The following LRRC4C variants were observed in gnomAD, a reference collection of about 807,000 sequenced individuals.
LRRC4C encodes leucine-rich repeat-containing protein 4C.
Under a neutral mutation model 33.6 loss-of-function variants are expected in LRRC4C, and 5 were observed. The ratio of observed to expected loss-of-function variants is 0.15; its 90% CI spans 0.08 to 0.31. The LOEUF (loss-of-function observed/expected upper bound fraction) is 0.31. Among genes scored for constraint, LRRC4C ranks in the 10% least tolerant of loss-of-function variants. The pLI, the probability that LRRC4C is intolerant of heterozygous loss-of-function variation, is 1.00. For synonymous variants in LRRC4C, 329 were observed against 302.0 expected, an observed-to-expected ratio of 1.09 and a Z score of -0.93; for missense variants, 560 against 796.7, an observed-to-expected ratio of 0.70 and a Z score of 3.58.
chr11:41,340,037 A>G (rs550869745), intron 1 of LRRC4C, among the ~76,000 whole-genome samples: 2 of 152,250 alleles, frequency 1.3e-5, no homozygotes, highest in African/African-American at 2.4e-5. Context: ...TAAAAGAAAA[A>G]GTTTAGAAGA....
At chr11:41,113,385 C>T (rs545994897) in intron 1 of LRRC4C, among the ~76,000 whole-genome samples, 1 of 152,008 alleles carries the variant, frequency 6.6e-6, no homozygotes, top group African/African-American at 2.4e-5. Flanking sequence ...CAGCACCGGG[C>T]TGTGAGTTTA....
chr11:40,791,939 G>T lies in LRRC4C; in HGVS notation c.-407+141696C>A, dbSNP rs183939453. Among the ~76,000 whole-genome samples the T allele has an allele frequency of 7.2e-5, 11 of 152,062 alleles. No individual in the cohort carries two copies. In the East Asian group the frequency reaches 7.7e-4, roughly 11 times the overall value. ...GTTTTATCTGGTAAAAAAGGCTCTG[G>T]CTTCTTTTCCTTTAGTGGCTACGTA... On this transcript the variant is annotated intron_variant, in intron 2 of 6. Coordinates refer to ENST00000528697, the MANE Select transcript of LRRC4C (RefSeq NM_001258419.2).
intron 3 of LRRC4C, among the ~76,000 whole-genome samples, chr11:40,380,464 G>A (rs1948822615): frequency 6.6e-6 from 1 of 152,172 alleles, no homozygotes; most frequent in South Asian, 2.1e-4. Flanking sequence ...GTCAGAGAAA[G>A]GATTGGGCAT....
chr11:40,580,379 G>T (rs549840179), intron 3 of LRRC4C, among the ~76,000 whole-genome samples: 2 of 152,158 alleles, frequency 1.3e-5, no homozygotes, highest in African/African-American at 4.8e-5. Context: ...ATAACAGCAT[G>T]CGGGAAACTG....
At chr11:40,323,844 A>G (rs1193947439) in intron 3 of LRRC4C, among the ~76,000 whole-genome samples, 1 of 152,226 alleles carries the variant, frequency 6.6e-6, no homozygotes, top group Non-Finnish European at 1.5e-5. Context: ...TGATAAAACA[A>G]TTTATGAATT....
intron 1 of LRRC4C, among the ~76,000 whole-genome samples, chr11:41,065,487 C>G (rs999772613): frequency 1.3e-5 from 2 of 152,136 alleles, no homozygotes; most frequent in African/African-American, 4.8e-5. Context: ...TGAACTTAAT[C>G]TTTCCTGCCC....
At chr11:40,561,375 G>A (rs886320018) in intron 3 of LRRC4C, among the ~76,000 whole-genome samples, 5 of 150,302 alleles carry the variant, frequency 3.3e-5, no homozygotes, top group African/African-American at 1.2e-4. Flanking sequence ...ATGCTCACTA[G>A]CGGATCATCT....
intron 1 of LRRC4C, among the ~76,000 whole-genome samples, chr11:41,036,246 G>T (rs1857057321): frequency 6.6e-6 from 1 of 152,040 alleles, no homozygotes; most frequent in Non-Finnish European, 1.5e-5. Context: ...CTGGGTTTTT[G>T]ACTTAATTCA....
chr11:40,709,917 T>G (rs1009414288), intron 2 of LRRC4C, among the ~76,000 whole-genome samples: 1 of 152,152 alleles, frequency 6.6e-6, no homozygotes, highest in African/African-American at 2.4e-5. Flanking sequence ...AAACTTCTTT[T>G]CTCACTTCAT....
intron 1 of LRRC4C, among the ~76,000 whole-genome samples, chr11:41,065,664 C>T (rs1284775768): frequency 6.6e-6 from 1 of 152,172 alleles, no homozygotes; most frequent in African/African-American, 2.4e-5. Flanking sequence ...TACAGGAGAG[C>T]TTTGGCTGGC....
intron 3 of LRRC4C, among the ~76,000 whole-genome samples, chr11:40,641,777 G>A (rs1378401671): frequency 2.0e-5 from 3 of 152,090 alleles, no homozygotes; most frequent in Admixed American, 2.0e-4. Flanking sequence ...GGCATCCCTG[G>A]TCCAAGAGTG....
At chr11:41,373,996 A>G (rs184931188) in intron 1 of LRRC4C, among the ~76,000 whole-genome samples, 344 of 152,286 alleles carry the variant, frequency 2.3e-3, no homozygotes, top group African/African-American at 8.0e-3. Context: ...AAAAATTTTC[A>G]TATCATATCA....
At chr11:40,206,184 T>C (rs999259587) in intron 5 of LRRC4C, among the ~76,000 whole-genome samples, 1 of 152,130 alleles carries the variant, frequency 6.6e-6, no homozygotes, top group African/African-American at 2.4e-5. Context: ...ATTGAGGTAA[T>C]CTTCCCAACA....
At chr11:41,345,590 G>A (rs769883138) in intron 1 of LRRC4C, among the ~76,000 whole-genome samples, 11 of 152,088 alleles carry the variant, frequency 7.2e-5, no homozygotes, top group Non-Finnish European at 1.5e-4. Context: ...AAAGAAGTTA[G>A]AAATATTTTT....
chr11:40,488,247 T>A (rs1387754656), intron 3 of LRRC4C, among the ~76,000 whole-genome samples: 10 of 151,908 alleles, frequency 6.6e-5, no homozygotes, highest in Non-Finnish European at 1.2e-4. Context: ...CTCAAACCAT[T>A]CGAAATCAAA....
chr11:41,270,385 AC>A (rs1346921607), intron 1 of LRRC4C, among the ~76,000 whole-genome samples: 1 of 152,134 alleles, frequency 6.6e-6, no homozygotes, highest in East Asian at 1.9e-4. Flanking sequence ...TATAATATAA[AC>A]AAATTATAAA....
At chr11:41,098,512 A>G (rs898030087) in intron 1 of LRRC4C, among the ~76,000 whole-genome samples, 1 of 152,164 alleles carries the variant, frequency 6.6e-6, no homozygotes, top group Non-Finnish European at 1.5e-5. Context: ...AGATACTGAA[A>G]TTCATTTCTA....
chr11:40,619,081 T>A (rs1353812892), intron 3 of LRRC4C, among the ~76,000 whole-genome samples: 2 of 151,642 alleles, frequency 1.3e-5, no homozygotes, highest in Non-Finnish European at 3.0e-5. Context: ...ATTCGTGGGA[T>A]CTAAAATTCA....
chr11:41,171,020 C>T (rs1287033347), intron 1 of LRRC4C, among the ~76,000 whole-genome samples: 10 of 151,914 alleles, frequency 6.6e-5, no homozygotes, highest in African/African-American at 2.4e-4. Context: ...TCATCACTGG[C>T]CATCAGAGAA....
Sources: gnomAD v4.1 joint callset for allele counts (sites outside exome capture counted in the v4.1 genomes callset) on GRCh38, gnomAD v4.1.1 for gene constraint, MANE v1.5 for transcripts, NCBI Gene and HGNC (gene_info 2026-07-23, HGNC 2026-07-21) for gene names.